SPECC1: variants seen among roughly 807,000 people sequenced by gnomAD.
The protein encoded by SPECC1 is cytospin-B.
Under a neutral mutation model 104.1 loss-of-function variants are expected in SPECC1, and 62 were observed. The ratio of observed to expected loss-of-function variants is 0.60; its 90% CI spans 0.49 to 0.74. SPECC1 has a LOEUF of 0.74. SPECC1 is among the 30% of genes least tolerant of loss of function. SPECC1 has a pLI of 0.00. For synonymous variants in SPECC1, 513 were observed against 501.6 expected (o/e 1.02, Z -0.30); for missense variants, 1,306 against 1,310.5 (o/e 1.00, Z 0.05).
intron 3 of SPECC1, among the ~76,000 whole-genome samples, chr17:20,165,726 A>G (rs946343796): frequency 3.9e-5 from 6 of 152,166 alleles, no homozygotes; most frequent in African/African-American, 1.4e-4. Context: ...TGACTTTTTG[A>G]TAATCGTCAT....
intron 1 of SPECC1, among the ~76,000 whole-genome samples, chr17:20,044,366 A>G (rs1379308567): frequency 6.6e-6 from 1 of 152,200 alleles, no homozygotes; most frequent in Admixed American, 6.5e-5. Flanking sequence ...ATCTGTATAT[A>G]GCTCACCCTG....
chr17:20,219,929 A>G (rs1399232286), intron 4 of SPECC1, among the ~76,000 whole-genome samples: 2 of 152,142 alleles, frequency 1.3e-5, no homozygotes, highest in African/African-American at 4.8e-5. Context: ...TTTACTGAAG[A>G]GACTGTCTTT....
At chr17:20,071,384 T>TTGTGTG (rs55761614) in intron 1 of SPECC1, among the ~76,000 whole-genome samples, 1 of 151,240 alleles carries the variant, frequency 6.6e-6, no homozygotes, top group East Asian at 1.9e-4. Flanking sequence ...TTGTGTGTGT[T>TTGTGTG]TGTGTGTGTG....
rs1342107895 is a variant in SPECC1, at chr17:20,204,333, G to A, written c.284G>A (p.Gly95Glu). 10 of 1,600,020 alleles carry A rather than the reference G, an allele frequency of 6.2e-6. No homozygotes were observed. The Admixed American group carries it at 1.8e-4, about 29-fold the overall frequency. ...LTESRLRSGT[G>E]AFTTTKRTGI... ...ATTTTTTTCTTCTTCTGTCTTTAAG[G>A]GGCCTTTACAACAACTAAACGGACA... is the stretch of plus-strand genomic sequence containing the variant. Residue 95 changes from glycine (G) to glutamate (E), a missense_variant and splice_region_variant, in exon 4 of 15, where the codon GGG becomes GAG. Gly to Glu is a moderately conservative substitution (Grantham distance 98). Transcript: ENST00000395527.
At chr17:20,058,841 T>TC (rs1171245849) in intron 1 of SPECC1, among the ~76,000 whole-genome samples, 1 of 140,604 alleles carries the variant, frequency 7.1e-6, no homozygotes, top group Non-Finnish European at 1.6e-5. Context: ...ATTTCTTTTT[T>TC]TTTTTTTTTT....
chr17:20,014,535 A>G (rs1313427969), intron 1 of SPECC1, among the ~76,000 whole-genome samples: 1 of 152,156 alleles, frequency 6.6e-6, no homozygotes, highest in African/African-American at 2.4e-5. Flanking sequence ...TGTTTAAACA[A>G]TGTTTTTTAT....
At chr17:20,070,006 T>A (rs2046491838) in intron 1 of SPECC1, among the ~76,000 whole-genome samples, 1 of 152,154 alleles carries the variant, frequency 6.6e-6, no homozygotes, top group Non-Finnish European at 1.5e-5. Context: ...TAAGAGGTTT[T>A]TTTGTTGTAA....
At chr17:20,059,195 A>G (rs989638641) in intron 1 of SPECC1, among the ~76,000 whole-genome samples, 1 of 152,020 alleles carries the variant, frequency 6.6e-6, no homozygotes, top group Non-Finnish European at 1.5e-5. Context: ...AAATAATGAT[A>G]CAACTCACTG....
intron 3 of SPECC1, among the ~76,000 whole-genome samples, chr17:20,198,870 CAAAT>C (rs1362966666): frequency 2.6e-5 from 4 of 152,162 alleles, no homozygotes; most frequent in Non-Finnish European, 5.9e-5. Flanking sequence ...AACACATCCT[CAAAT>C]AACTTCCTTA....
At chr17:20,162,148 T>A (rs889824326) in intron 3 of SPECC1, among the ~76,000 whole-genome samples, 40 of 151,290 alleles carry the variant, frequency 2.6e-4, no homozygotes, top group Middle Eastern at 3.2e-3. Flanking sequence ...TTTTATTTTT[T>A]TATATATATA....
chr17:20,318,500 G>A lies in SPECC1; in HGVS notation c.*4435G>A. ...TCCAGCGGTGAGGAATCTCTGCCATGTTCTCTTCCCTGCTGCCCACAAACG... is the reference window on the plus strand; with the variant it reads ...TCCAGCGGTGAGGAATCTCTGCCATATTCTCTTCCCTGCTGCCCACAAACG... On this transcript the variant is annotated 3_prime_UTR_variant, in exon 15 of 15. Transcript: ENST00000395527. 4.3e-6 allele frequency: 1 copy of A among 231,732 alleles called. No homozygotes were observed. The highest frequency in any genetic ancestry group is 8.5e-6 in the Non-Finnish European group (1 of 117,142). The allele number at this position is 231,732 out of a possible 1,614,324, so 14.4% of individuals were successfully genotyped here.
chr17:20,053,065 CTATCATTTA>C (rs1260850271), intron 1 of SPECC1, among the ~76,000 whole-genome samples: 4 of 152,182 alleles, frequency 2.6e-5, no homozygotes, highest in Non-Finnish European at 5.9e-5. Context: ...CAACTATCCC[CTATCATTTA>C]TGTTTTTTAC....
At chr17:20,299,555 C>CAAAAAAA (rs57493380) in intron 13 of SPECC1, among the ~76,000 whole-genome samples, 15 of 40,312 alleles carry the variant, frequency 3.7e-4, no homozygotes, top group African/African-American at 9.6e-4. Context: ...GACCCTGTCT[C>CAAAAAAA]AAAAAAAAAA....
At chr17:20,132,257 A>G (rs1193904608) in intron 3 of SPECC1, among the ~76,000 whole-genome samples, 1 of 152,132 alleles carries the variant, frequency 6.6e-6, no homozygotes, top group African/African-American at 2.4e-5. Context: ...GTCGTGGTAT[A>G]TGATTATTTT....
chr17:20,298,062 G>A (rs1422303718), intron 13 of SPECC1, among the ~76,000 whole-genome samples: 3 of 152,176 alleles, frequency 2.0e-5, no homozygotes, highest in Non-Finnish European at 4.4e-5. Context: ...TGTCAGAACT[G>A]GTGTTGGGGC....
At chr17:20,097,709 G>C (rs2047720407) in intron 2 of SPECC1, among the ~76,000 whole-genome samples, 1 of 152,210 alleles carries the variant, frequency 6.6e-6, no homozygotes, top group African/African-American at 2.4e-5. Context: ...TCTTGGTGAA[G>C]ACACTCTTAG....
At chr17:20,066,011 T>C (rs1313913410) in intron 1 of SPECC1, among the ~76,000 whole-genome samples, 1 of 152,240 alleles carries the variant, frequency 6.6e-6, no homozygotes, top group Non-Finnish European at 1.5e-5. Context: ...TATATCTGTA[T>C]CTATATCTAT....
At chr17:20,079,504 G>A (rs1044426668) in intron 1 of SPECC1, among the ~76,000 whole-genome samples, 6 of 151,634 alleles carry the variant, frequency 4.0e-5, no homozygotes, top group African/African-American at 1.5e-4. Context: ...ACTACAGGCT[G>A]TTCTTGAACT....
intron 1 of SPECC1, among the ~76,000 whole-genome samples, chr17:20,078,653 C>G (rs1049761405): frequency 3.3e-5 from 5 of 151,952 alleles, no homozygotes; most frequent in Non-Finnish European, 7.4e-5. Flanking sequence ...ATATGCATAC[C>G]TTTGATTTGT....
Sources: gnomAD v4.1 joint callset for allele counts (sites outside exome capture counted in the v4.1 genomes callset) on GRCh38, gnomAD v4.1.1 for gene constraint, MANE v1.5 for transcripts, NCBI Gene and HGNC (gene_info 2026-07-23, HGNC 2026-07-21) for gene names.